EPS8: variants seen among roughly 807,000 people sequenced by gnomAD.
EPS8 encodes the protein EGFR pathway substrate 8, signaling adaptor, also known as epidermal growth factor receptor kinase substrate 8.
In EPS8, 42 loss-of-function variants were observed where a neutral mutation model predicts 103.8. That is an observed-to-expected ratio of 0.40 (90% CI 0.32 to 0.52). The LOEUF is 0.52. Among genes scored for constraint, EPS8 ranks in the 20% least tolerant of loss-of-function variants. The pLI, the probability that EPS8 is intolerant of heterozygous loss-of-function variation, is 0.40. For missense variants in EPS8, 969 were observed against 1,005.1 expected (o/e 0.96, Z 0.49); for synonymous variants, 344 against 344.6 (o/e 1.00, Z 0.02).
intron 3 of EPS8, among the ~76,000 whole-genome samples, chr12:15,675,916 T>A (rs1179791964): frequency 1.3e-5 from 2 of 152,184 alleles, no homozygotes; most frequent in Non-Finnish European, 2.9e-5. Flanking sequence ...TGAGCGTTTG[T>A]TAGAGATGCC....
In EPS8 at chr12:15,781,111, A is replaced by G. The variant is rs561686385; in HGVS notation, c.-22+8050T>C. ...GCTTTATTTTGTCTAATTCCCCACA[A>G]ATGTTTCTTTTTAAAAGATCCTCAT... On this transcript the variant is annotated intron_variant, in intron 1 of 20. Transcript: ENST00000281172. The surrounding 1 kb of genome is among the most constrained non-coding windows in gnomAD (Gnocchi z 4.1). Among the ~76,000 whole-genome samples the G allele has an allele frequency of 1.3e-5, 2 of 152,282 alleles. No individual in the cohort carries two copies. Among genetic ancestry groups the G allele is most frequent in the South Asian group, 4.1e-4 (2 of 4,828 alleles).
intron 14 of EPS8, among the ~76,000 whole-genome samples, chr12:15,647,745 T>C (rs926849522): frequency 6.6e-6 from 1 of 152,144 alleles, no homozygotes; most frequent in Admixed American, 6.5e-5. Flanking sequence ...TCTTTTGCAG[T>C]TAAGATAATT....
chr12:15,726,767 T>C (rs1217112938), intron 1 of EPS8, among the ~76,000 whole-genome samples: 4 of 152,196 alleles, frequency 2.6e-5, no homozygotes, highest in Non-Finnish European at 4.4e-5. Context: ...CCTGAAAGAA[T>C]GAATAAAGAT....
At chr12:15,672,507 AC>A (rs1261854743) in intron 3 of EPS8, 3 of 398,324 alleles carry the variant, frequency 7.5e-6, no homozygotes, top group African/African-American at 6.2e-5. Context: ...ATCTGGTCCT[AC>A]CAAAATAATG....
intron 14 of EPS8, among the ~76,000 whole-genome samples, chr12:15,648,299 G>A (rs943746372): frequency 6.6e-6 from 1 of 152,186 alleles, no homozygotes; most frequent in African/African-American, 2.4e-5. Context: ...AGACACTGAA[G>A]CACTGGAATT....
In EPS8 at chr12:15,652,276, T is replaced by G. The variant is rs148579995; in HGVS notation, c.1251-1270A>C. ...TAGAGAGTAGACTGGTGTTTACTAG[T>G]GGCTGACAAGGATGAGGCAGGGTTG... is the stretch of plus-strand genomic sequence containing the variant. On this transcript the variant is annotated intron_variant, in intron 13 of 20. Transcript: ENST00000281172. Among the ~76,000 whole-genome samples, 694 of 152,270 alleles carry G rather than the reference T, an allele frequency of 4.6e-3. 7 individuals are homozygous for G. Among genetic ancestry groups the G allele is most frequent in the Middle Eastern group, 0.014 (4 of 294 alleles).
chr12:15,708,751 A>G (rs1198671456), intron 1 of EPS8, among the ~76,000 whole-genome samples: 2 of 152,214 alleles, frequency 1.3e-5, no homozygotes, highest in African/African-American at 4.8e-5. Context: ...TCATTACAGC[A>G]GAATTGACTG....
At position 15,769,166 on chromosome 12, in the gene EPS8, T is replaced by C. The variant is rs1319488465; in HGVS notation, c.-22+19995A>G. ...TTAACCAGGATCACATGAACTAACC[T>C]GAAAGAAAAAAACAGGAGTTCTCTG... On this transcript the variant is annotated intron_variant, in intron 1 of 20. Transcript: ENST00000281172. The surrounding 1 kb of genome is among the most constrained non-coding windows in gnomAD (Gnocchi z 4.6). 6.6e-6 allele frequency among the ~76,000 whole-genome samples: 1 copy of C among 151,746 alleles called. No homozygotes were observed. Among genetic ancestry groups the C allele is most frequent in the African/African-American group, 2.4e-5 (1 of 41,312 alleles).
Position 15,748,880 on chromosome 12 carries a change from T to G in EPS8, c.-22+40281A>C, listed in dbSNP as rs749269011. Among the ~76,000 whole-genome samples the G allele has an allele frequency of 1.3e-5, 2 of 152,198 alleles. No individual in the cohort carries two copies. The highest frequency in any genetic ancestry group is 2.9e-5 in the Non-Finnish European group (2 of 68,036). ...CTAATTTTCATAATGGAATGCTAAC[T>G]TTGACACTTGCTAATCCAGAATATA... is the stretch of plus-strand genomic sequence containing the variant. On this transcript the variant is annotated intron_variant, in intron 1 of 20. Coordinates refer to ENST00000281172, the MANE Select transcript of EPS8 (RefSeq NM_004447.6). The surrounding 1 kb of genome is among the most constrained non-coding windows in gnomAD (Gnocchi z 4.8).
At position 15,682,941 on chromosome 12, in the gene EPS8, T is replaced by C. The variant is rs1156579251; in HGVS notation, c.11A>G (p.His4Arg). 2 of 1,584,006 alleles carry C rather than the reference T, an allele frequency of 1.3e-6. No individual in the cohort carries two copies. Among genetic ancestry groups the C allele is most frequent in the Non-Finnish European group, 1.7e-6 (2 of 1,164,628 alleles). The change falls in exon 2 of 21, where the codon CAT (histidine) becomes CGT (arginine). Residue 4 changes from histidine to arginine, a missense_variant. Coordinates refer to ENST00000281172, the MANE Select transcript of EPS8 (RefSeq NM_004447.6). MNG[H>R]ISNHPSSFGM... ...AAAACTACTGGGATGATTAGAAATA[T>C]GACCATTCATTGTGTCTTTCACTTG...
intron 13 of EPS8, among the ~76,000 whole-genome samples, chr12:15,653,890 G>C (rs1945461057): frequency 6.6e-6 from 1 of 152,136 alleles, no homozygotes; most frequent in African/African-American, 2.4e-5. Context: ...CTACCCTCCT[G>C]TCTAAATCCT....
chr12:15,763,285 A>T (rs748784048), intron 1 of EPS8, among the ~76,000 whole-genome samples: 1 of 152,148 alleles, frequency 6.6e-6, no homozygotes, highest in Non-Finnish European at 1.5e-5. Flanking sequence ...CAAACATTAA[A>T]CTTTCCAAGT....
chr12:15,643,527 G>GGCTGA (rs1218584598), intron 15 of EPS8, among the ~76,000 whole-genome samples: 4 of 152,154 alleles, frequency 2.6e-5, no homozygotes, highest in Non-Finnish European at 5.9e-5. Context: ...ATCACCTGAG[G>GGCTGA]TCAGGAGTTT....
At chr12:15,662,171 A>C in intron 8 of EPS8, 72 bp from the exon 9 acceptor site, 5 of 1,560,912 alleles carry the variant, frequency 3.2e-6, no homozygotes, top group Non-Finnish European at 4.4e-6. Context: ...TTAAAACATA[A>C]AAATTAGTTA....
Position 15,779,309 on chromosome 12 carries a change from T to G in EPS8, c.-22+9852A>C, listed in dbSNP as rs780640367. On this transcript the variant is annotated intron_variant, in intron 1 of 20. Coordinates refer to ENST00000281172, the MANE Select transcript of EPS8 (RefSeq NM_004447.6). The surrounding 1 kb of genome is among the most constrained non-coding windows in gnomAD (Gnocchi z 4.3). ...AACAGACTTTTCACTAGCAAAGCAG[T>G]TAAAAGTATCTTCTATCTCTATCAT... Among the ~76,000 whole-genome samples the G allele has an allele frequency of 1.5e-4, 23 of 152,216 alleles. No homozygotes were observed. Among genetic ancestry groups the G allele is most frequent in the Non-Finnish European group, 3.2e-4 (22 of 68,036 alleles).
chr12:15,679,554 C>T (rs568339963), intron 3 of EPS8, among the ~76,000 whole-genome samples: 2 of 152,316 alleles, frequency 1.3e-5, no homozygotes, highest in South Asian at 2.1e-4. Context: ...AAAAGGGTTT[C>T]ATACTGTCTG....
At chr12:15,658,237 G>A (rs1490025488) in intron 11 of EPS8, 84 bp from the exon 12 acceptor site, 15 of 855,540 alleles carry the variant, frequency 1.8e-5, no homozygotes, top group African/African-American at 3.4e-5. Context: ...CAGAGGGGAC[G>A]GTCTTTACCA....
At position 15,624,323 on chromosome 12, in the gene EPS8, T is replaced by C. The variant is rs368811171; in HGVS notation, c.2129A>G (p.His710Arg). The C allele has an allele frequency of 1.2e-5, 19 of 1,613,136 alleles. No individual in the cohort carries two copies. The highest frequency in any genetic ancestry group is 1.6e-5 in the Non-Finnish European group (19 of 1,179,476). ...IGRSAAQKKFHVPRQNVPVIN... is the reference protein window; with the variant it reads ...IGRSAAQKKFRVPRQNVPVIN... ...AACTGGCACGTTCTGCCGTGGCACATGGAATTTCTTCTGAGCGGCACTCCG... is the reference window on the plus strand; with the variant it reads ...AACTGGCACGTTCTGCCGTGGCACACGGAATTTCTTCTGAGCGGCACTCCG... Residue 710 changes from histidine to arginine, a missense_variant, in exon 19 of 21, where the codon CAT (histidine) becomes CGT (arginine). Transcript: ENST00000281172.
At chr12:15,720,929 C>T (rs902279154) in intron 1 of EPS8, among the ~76,000 whole-genome samples, 13 of 152,182 alleles carry the variant, frequency 8.5e-5, no homozygotes, top group African/African-American at 3.1e-4. Context: ...TATCCCCAAA[C>T]CTAACCCACC....
Sources: allele counts gnomAD v4.1 joint callset (sites outside exome capture counted in the v4.1 genomes callset), GRCh38; gene constraint gnomAD v4.1.1; non-coding constraint Gnocchi (gnomAD v3.1); transcripts MANE v1.5; gene names NCBI Gene and HGNC (gene_info 2026-07-23, HGNC 2026-07-21).